The following CSMD1 variants were observed in gnomAD, a reference collection of about 807,000 sequenced individuals.
CSMD1 encodes CUB and Sushi multiple domains 1.
CSMD1 carries 213 observed loss-of-function variants against 417.5 expected under a neutral mutation model. That is an observed-to-expected ratio of 0.51 (90% CI 0.46 to 0.57). The LOEUF (loss-of-function observed/expected upper bound fraction) is 0.57, where lower values mean the gene tolerates loss of function less well. CSMD1 is among the 20% of genes least tolerant of loss of function. The pLI, the probability that CSMD1 is intolerant of heterozygous loss-of-function variation, is 0.00. For synonymous variants in CSMD1, 2,862 were observed against 1,736.8 expected (o/e 1.65, Z -16.11); for missense variants, 6,923 against 4,529.7 (o/e 1.53, Z -15.17).
chr8:4,097,488 T>C (rs373494536), intron 3 of CSMD1, among the ~76,000 whole-genome samples: 3 of 152,202 alleles, frequency 2.0e-5, no homozygotes, highest in African/African-American at 7.2e-5. Context: ...TTAAGAAAGA[T>C]TTAGATTCCC....
intron 14 of CSMD1, among the ~76,000 whole-genome samples, chr8:3,407,265 GGATT>G (rs1258598357): frequency 2.0e-5 from 3 of 151,770 alleles, no homozygotes; most frequent in Admixed American, 6.6e-5. Context: ...GGAAGGATAT[GGATT>G]GATAGATGGA....
Position 3,795,952 on chromosome 8 carries a change from A to G in CSMD1, c.819-41910T>C, listed in dbSNP as rs1046168720. On this transcript the variant is annotated intron_variant, in intron 5 of 69. Coordinates refer to ENST00000635120, the MANE Select transcript of CSMD1 (RefSeq NM_033225.6). Reference sequence around the variant, plus strand: ...TCATGTACAGATATAGATATCTATCATGTACAGATATAGATATCTATCATG... The same window carrying G: ...TCATGTACAGATATAGATATCTATCGTGTACAGATATAGATATCTATCATG... 3.8e-4 allele frequency among the ~76,000 whole-genome samples: 17 copies of G among 44,582 alleles called. No individual in the cohort carries two copies. The East Asian group carries it at 8.7e-3, about 23-fold the overall frequency. The allele number at this position is 44,582 out of a possible 152,430, so 29.2% of individuals were successfully genotyped here. A position where few individuals can be genotyped will look rare whatever the true frequency, so the allele number is the denominator to read the frequency against.
At chr8:3,113,681 G>C (rs1023738001) in intron 42 of CSMD1, among the ~76,000 whole-genome samples, 1 of 152,168 alleles carries the variant, frequency 6.6e-6, no homozygotes, top group Admixed American at 6.5e-5. Context: ...GAAGTGGGAA[G>C]GGGGTACTTT....
At chr8:3,647,697 T>A (rs140994658) in intron 7 of CSMD1, among the ~76,000 whole-genome samples, 2 of 152,310 alleles carry the variant, frequency 1.3e-5, no homozygotes, top group African/African-American at 2.4e-5. Flanking sequence ...TTGTAAGACA[T>A]TGATTTTCTT....
chr8:3,626,263 GTCTCCT>G (rs1484070268), intron 7 of CSMD1, among the ~76,000 whole-genome samples: 2 of 152,184 alleles, frequency 1.3e-5, no homozygotes, highest in Non-Finnish European at 2.9e-5. Flanking sequence ...TTCTGCTCTA[GTCTCCT>G]TCTGCACATT....
intron 5 of CSMD1, among the ~76,000 whole-genome samples, chr8:3,920,283 C>T (rs1257440839): frequency 6.6e-6 from 1 of 152,038 alleles, no homozygotes; most frequent in African/African-American, 2.4e-5. Flanking sequence ...GATCCACCCA[C>T]TTCAACCTCC....
intron 2 of CSMD1, among the ~76,000 whole-genome samples, chr8:4,483,670 C>T (rs770646905): frequency 6.6e-6 from 1 of 152,014 alleles, no homozygotes; most frequent in South Asian, 2.1e-4. Context: ...ATATTTAATC[C>T]ATTTTTGTAA....
chr8:4,970,067 A>G (rs946812856), intron 1 of CSMD1, among the ~76,000 whole-genome samples: 1 of 152,200 alleles, frequency 6.6e-6, no homozygotes, highest in Non-Finnish European at 1.5e-5. Context: ...CACAGAAATG[A>G]CAAAAGTATT....
rs1811730492 is a variant in CSMD1 at position 3,953,615 on chromosome 8, T to C, written c.818+44288A>G. Among the ~76,000 whole-genome samples the C allele has an allele frequency of 2.6e-5, 4 of 152,018 alleles. No homozygotes were observed. In the South Asian group the frequency reaches 8.3e-4, roughly 32 times the overall value. On this transcript the variant is annotated intron_variant, in intron 5 of 69. Coordinates refer to ENST00000635120, the MANE Select transcript of CSMD1 (RefSeq NM_033225.6). ...GGGTCACTGCGCCCAAGCATACGCA[T>C]TTCAAGGTTTCTATGTTAGGTGCCT...
intron 1 of CSMD1, among the ~76,000 whole-genome samples, chr8:4,926,644 C>T (rs1456202755): frequency 6.6e-6 from 1 of 151,962 alleles, no homozygotes; most frequent in African/African-American, 2.4e-5. Context: ...TCTTGATTTC[C>T]TTGCAAAAAA....
At chr8:3,592,704 G>T (rs867175844) in intron 8 of CSMD1, among the ~76,000 whole-genome samples, 1 of 151,276 alleles carries the variant, frequency 6.6e-6, no homozygotes, top group Middle Eastern at 3.2e-3. Context: ...GTGTGTGTGT[G>T]TGTGTGAGTA....
At chr8:3,970,024 C>A (rs922715606) in intron 5 of CSMD1, among the ~76,000 whole-genome samples, 3 of 152,200 alleles carry the variant, frequency 2.0e-5, no homozygotes, top group South Asian at 2.1e-4. Flanking sequence ...TTCTTTCTCA[C>A]CTTTCCCTTC....
At chr8:4,447,870 C>G (rs1798905946) in intron 2 of CSMD1, among the ~76,000 whole-genome samples, 1 of 152,154 alleles carries the variant, frequency 6.6e-6, no homozygotes, top group African/African-American at 2.4e-5. Flanking sequence ...GTAGAGGAGG[C>G]TCGACGAATG....
At chr8:4,853,534 G>C (rs1278131701) in intron 1 of CSMD1, among the ~76,000 whole-genome samples, 1 of 152,226 alleles carries the variant, frequency 6.6e-6, no homozygotes, top group African/African-American at 2.4e-5. Context: ...AGATGTATCA[G>C]AAAGCCTGAG....
intron 6 of CSMD1, among the ~76,000 whole-genome samples, chr8:3,738,477 C>T (rs562236103): frequency 5.7e-4 from 86 of 152,196 alleles, no homozygotes; most frequent in Non-Finnish European, 1.1e-3. Context: ...GCAGTGAATA[C>T]ATAATTTAAG....
At chr8:4,182,638 T>C (rs1798442801) in intron 3 of CSMD1, among the ~76,000 whole-genome samples, 1 of 152,184 alleles carries the variant, frequency 6.6e-6, no homozygotes, top group African/African-American at 2.4e-5. Flanking sequence ...TATATACTCA[T>C]TTTCAGGAGT....
intron 4 of CSMD1, 81 bp downstream of exon 4, chr8:4,031,824 A>T: frequency 9.3e-7 from 1 of 1,077,420 alleles, no homozygotes; most frequent in Non-Finnish European, 1.3e-6. Flanking sequence ...TTTTCATTTA[A>T]GTGGAAACTT....
Position 4,573,576 on chromosome 8 carries a change from C to T in CSMD1, c.302+63766G>A, listed in dbSNP as rs908619145. Reference sequence around the variant, plus strand: ...TCTGTTGATCCCTGCTGGGAGGTGTCTCCCAGTCAGGAGGTATGGGGGTCA... The same window carrying T: ...TCTGTTGATCCCTGCTGGGAGGTGTTTCCCAGTCAGGAGGTATGGGGGTCA... On this transcript the variant is annotated intron_variant, in intron 2 of 69. Coordinates refer to ENST00000635120, the MANE Select transcript of CSMD1 (RefSeq NM_033225.6). 3.9e-5 allele frequency among the ~76,000 whole-genome samples: 6 copies of T among 152,100 alleles called. No homozygotes were observed. In the East Asian group the frequency reaches 1.2e-3, roughly 30 times the overall value.
At chr8:4,911,722 T>C (rs920224775) in intron 1 of CSMD1, among the ~76,000 whole-genome samples, 1 of 152,138 alleles carries the variant, frequency 6.6e-6, no homozygotes, top group Admixed American at 6.5e-5. Flanking sequence ...CTGAATCAAC[T>C]CTAGCAAGGG....
Sources: allele counts gnomAD v4.1 joint callset (sites outside exome capture counted in the v4.1 genomes callset), GRCh38; gene constraint gnomAD v4.1.1; transcripts MANE v1.5; gene names NCBI Gene and HGNC (gene_info 2026-07-23, HGNC 2026-07-21).